The following ADH6 variants were observed in gnomAD, a reference collection of about 807,000 sequenced individuals.
ADH6 encodes the protein alcohol dehydrogenase 6.
Under a neutral mutation model 36.5 loss-of-function variants are expected in ADH6, and 34 were observed. The observed-to-expected ratio is 0.93, with a 90% CI of 0.71 to 1.24. The LOEUF is 1.24. ADH6 is among the 50% of genes most tolerant of loss of function. The pLI is 0.00. For missense variants in ADH6, 440 were observed against 447.0 expected (o/e 0.98, Z 0.14); for synonymous variants, 161 against 155.5 (o/e 1.04, Z -0.26).
At chr4:99,207,810 T>C (rs1009995214) in intron 6 of ADH6, among the ~76,000 whole-genome samples, 4 of 152,014 alleles carry the variant, frequency 2.6e-5, no homozygotes, top group African/African-American at 9.7e-5. Flanking sequence ...TAAATGGAAA[T>C]AACAAAAATG....
At chr4:99,204,519 T>C in intron 8 of ADH6, 1 of 1,273,950 alleles carries the variant, frequency 7.8e-7, no homozygotes, top group Non-Finnish European at 9.9e-7. Flanking sequence ...GATTCAGAAT[T>C]AGGAATCCTA....
rs200974246 is a variant in ADH6 at position 99,208,976 on chromosome 4, C to A, written c.568-48G>T. 1.6e-3 allele frequency: 2,581 copies of A among 1,571,310 alleles called. 5 individuals are homozygous for A. Among genetic ancestry groups the A allele is most frequent in the Non-Finnish European group, 2.1e-3 (2,492 of 1,160,546 alleles). ...CTCAGAAAACAAAAAGCAAAGAGAACATACACCTTTACTCAGTTGGGAAGG... is the reference window on the plus strand; with the variant it reads ...CTCAGAAAACAAAAAGCAAAGAGAAAATACACCTTTACTCAGTTGGGAAGG... On this transcript the variant is annotated intron_variant, in intron 5 of 8. Coordinates refer to ENST00000394899, the MANE Select transcript of ADH6 (RefSeq NM_001102470.2).
chr4:99,216,315 G>C, intron 1 of ADH6, 53 bp from the exon 2 acceptor site: 2 of 1,156,378 alleles, frequency 1.7e-6, no homozygotes, highest in Non-Finnish European at 2.5e-6. Context: ...CTTGGGAGTT[G>C]GAAGATTGCT....
intron 2 of ADH6, among the ~76,000 whole-genome samples, chr4:99,214,058 T>G (rs1472742076): frequency 6.6e-6 from 1 of 152,104 alleles, no homozygotes; most frequent in Admixed American, 6.6e-5. Context: ...TCATTGATCT[T>G]GTAGATGGAA....
Position 99,216,200 on chromosome 4 carries a change from T to C in ADH6, c.81A>G (p.Val27=). The change falls in exon 2 of 9, where the codon GTA becomes GTG. Residue 27 remains valine, a synonymous_variant. Coordinates refer to ENST00000394899, the MANE Select transcript of ADH6 (RefSeq NM_001102470.2). ...CCTTTGCCTTTGGTGGGGCCACTTC[T>C]ACCTCTTCAATAGAAAATGGTGCAC... ...KPGAPFSIEE[V]EVAPPKAKEV... 6.4e-7 allele frequency: 1 copy of C among 1,571,274 alleles called. No individual in the cohort carries two copies. Among genetic ancestry groups the C allele is most frequent in the Non-Finnish European group, 8.6e-7 (1 of 1,157,152 alleles).
chr4:99,208,986 T>C, intron 5 of ADH6, 58 bp from the exon 6 acceptor site: 1 of 1,544,584 alleles, frequency 6.5e-7, no homozygotes, highest in South Asian at 1.2e-5. Flanking sequence ...CATACACCTT[T>C]ACTCAGTTGG....
intron 5 of ADH6, among the ~76,000 whole-genome samples, chr4:99,209,177 G>C (rs1290006175): frequency 6.6e-6 from 1 of 152,122 alleles, no homozygotes; most frequent in African/African-American, 2.4e-5. Context: ...GAATTAGTCT[G>C]AGTAGTAGTT....
Position 99,210,286 on chromosome 4 carries a change from G to C in ADH6, c.363C>G (p.Thr121=). 1 of 1,613,356 alleles carries C rather than the reference G, an allele frequency of 6.2e-7. No homozygotes were observed. Among genetic ancestry groups the C allele is most frequent in the Non-Finnish European group, 8.5e-7 (1 of 1,179,626 alleles). The stretch of plus-strand genomic sequence containing the variant: ...TGCTGGTACCATCAGACATCAGTTG[G>C]GTTTTTGACTGTCTTTTATAGACAA... The part of the protein sequence containing the change: ...NFCIQFKQSK[T]QLMSDGTSRF... Residue 121 remains threonine (T), a synonymous_variant, in exon 5 of 9, where the codon ACC becomes ACG. Coordinates refer to ENST00000394899, the MANE Select transcript of ADH6 (RefSeq NM_001102470.2).
chr4:99,210,505 A>G lies in ADH6; in HGVS notation c.263-3T>C, dbSNP rs1439766190. 3.1e-6 allele frequency: 5 copies of G among 1,594,708 alleles called. No homozygotes were observed. Among genetic ancestry groups the G allele is most frequent in the Non-Finnish European group, 4.3e-6 (5 of 1,165,094 alleles). On this transcript the variant is annotated splice_polypyrimidine_tract_variant and splice_region_variant and intron_variant, in intron 3 of 8. Coordinates refer to ENST00000394899, the MANE Select transcript of ADH6 (RefSeq NM_001102470.2). ...AAAGAGTGTGATAACTTTGTCACCT[A>G]AAAGAGCAAAATCATGTCTTATTAA...
At chr4:99,207,908 A>T (rs930502829) in intron 6 of ADH6, among the ~76,000 whole-genome samples, 1 of 152,262 alleles carries the variant, frequency 6.6e-6, no homozygotes. Context: ...GTAAGAATTG[A>T]CATTTTTCTT....
At chr4:99,211,050 T>C (rs1384696274) in intron 3 of ADH6, among the ~76,000 whole-genome samples, 1 of 152,164 alleles carries the variant, frequency 6.6e-6, no homozygotes, top group Non-Finnish European at 1.5e-5. Flanking sequence ...CTGTGATGTA[T>C]TTTACTGGCT....
At chr4:99,218,417 T>G (rs1286919069) in intron 1 of ADH6, among the ~76,000 whole-genome samples, 1 of 152,196 alleles carries the variant, frequency 6.6e-6, no homozygotes, top group Non-Finnish European at 1.5e-5. Context: ...CTTTATCTCT[T>G]TCTTGCTTTT....
At chr4:99,207,837 C>A (rs902697241) in intron 6 of ADH6, among the ~76,000 whole-genome samples, 1 of 151,848 alleles carries the variant, frequency 6.6e-6, no homozygotes, top group Non-Finnish European at 1.5e-5. Flanking sequence ...GTAAAAACAT[C>A]CACAGTAGTG....
chr4:99,215,669 TA>T (rs1306139729), intron 2 of ADH6: 1 of 152,294 alleles, frequency 6.6e-6, no homozygotes, highest in Admixed American at 6.5e-5. Flanking sequence ...TCTTTATTTT[TA>T]CTCTACTAGC....
Position 99,208,699 on chromosome 4 carries a change from C to T in ADH6, c.797G>A (p.Cys266Tyr). The T allele has an allele frequency of 6.2e-7, 1 of 1,613,666 alleles. No individual in the cohort carries two copies. Among genetic ancestry groups the T allele is most frequent in the Non-Finnish European group, 8.5e-7 (1 of 1,179,706 alleles). The change falls in exon 6 of 9, where the codon TGC becomes TAC. Residue 266 changes from cysteine to tyrosine, a missense_variant. Transcript: ENST00000394899. ...GTCCAGATTTCCAATGGCCTCAAAGCAGAAGTCTATACCAGCATCTGTCAT... is the reference window on the plus strand; with the variant it reads ...GTCCAGATTTCCAATGGCCTCAAAGTAGAAGTCTATACCAGCATCTGTCAT... ...FDMTDAGIDF[C>Y]FEAIGNLDVL...
At chr4:99,214,763 G>A (rs1450507359) in intron 2 of ADH6, among the ~76,000 whole-genome samples, 2 of 152,182 alleles carry the variant, frequency 1.3e-5, no homozygotes, top group African/African-American at 4.8e-5. Context: ...ATTGAAATTT[G>A]TGCATGTAAA....
chr4:99,203,877 T>C lies in ADH6; in HGVS notation c.*342A>G. ...CATGTCTAGGCCTGTGAGAGAGACATATAGTGTACAAGAATATAAAGGTCC... is the reference window on the plus strand; with the variant it reads ...CATGTCTAGGCCTGTGAGAGAGACACATAGTGTACAAGAATATAAAGGTCC... On this transcript the variant is annotated 3_prime_UTR_variant, in exon 9 of 9. Transcript: ENST00000394899. The C allele has an allele frequency of 4.5e-6, 1 of 223,706 alleles. No individual in the cohort carries two copies. The highest frequency in any genetic ancestry group is 8.7e-6 in the Non-Finnish European group (1 of 115,564). The allele number at this position is 223,706 out of a possible 1,614,324, so 13.9% of individuals were successfully genotyped here. A position where few individuals can be genotyped will look rare whatever the true frequency, so the allele number is the denominator to read the frequency against.
At chr4:99,210,032 A>G (rs768818368) in intron 5 of ADH6, 50 bp downstream of exon 5, 1 of 1,578,124 alleles carries the variant, frequency 6.3e-7, no homozygotes, top group Non-Finnish European at 8.7e-7. Flanking sequence ...GAGGCCTTTC[A>G]ACTCCATATC....
At position 99,202,780 on chromosome 4, in the gene ADH6, C is replaced by G; in HGVS notation, c.*1439G>C. 2 of 398,176 alleles carry G rather than the reference C, an allele frequency of 5.0e-6. No homozygotes were observed. The highest frequency in any genetic ancestry group is 8.9e-6 in the Non-Finnish European group (2 of 225,760). The allele number at this position is 398,176 out of a possible 1,614,324, so 24.7% of individuals were successfully genotyped here. The stretch of plus-strand genomic sequence containing the variant: ...TAGTAAGGTCAATTTGGGGGCAGAA[C>G]AGGAACATGCCTTAGCTGCTGTCAG... On this transcript the variant is annotated 3_prime_UTR_variant, in exon 9 of 9. Transcript: ENST00000394899.
Sources: allele counts gnomAD v4.1 joint callset (sites outside exome capture counted in the v4.1 genomes callset), GRCh38; gene constraint gnomAD v4.1.1; transcripts MANE v1.5; gene names NCBI Gene and HGNC (gene_info 2026-07-23, HGNC 2026-07-21).